PCDHA8: variants seen among roughly 807,000 people sequenced by gnomAD.
PCDHA8 encodes protocadherin alpha-8.
PCDHA8 carries 53 observed loss-of-function variants against 61.8 expected under a neutral mutation model. The ratio of observed to expected loss-of-function variants is 0.86; its 90% confidence interval spans 0.69 to 1.08. PCDHA8 has a LOEUF of 1.08. PCDHA8 is among the 50% of genes least tolerant of loss of function. PCDHA8 has a pLI of 0.00. For missense variants in PCDHA8, 1,293 were observed against 1,245.0 expected, an observed-to-expected ratio of 1.04 and a Z score of -0.58; for synonymous variants, 618 against 556.6, an observed-to-expected ratio of 1.11 and a Z score of -1.55.
At chr5:140,960,446 T>C (rs1563310715) in intron 1 of PCDHA8, among the ~76,000 whole-genome samples, 2 of 152,204 alleles carry the variant, frequency 1.3e-5, no homozygotes, top group African/African-American at 4.8e-5. Context: ...GATATATGTA[T>C]GGATAATTTT....
Position 141,010,168 on chromosome 5 carries a change from C to T in PCDHA8, c.*231C>T. The T allele has an allele frequency of 6.4e-7, 1 of 1,561,094 alleles. No individual in the cohort carries two copies. On this transcript the variant is annotated 3_prime_UTR_variant, in exon 4 of 4. Coordinates refer to ENST00000531613, the MANE Select transcript of PCDHA8 (RefSeq NM_018911.3). Reference sequence around the variant, plus strand: ...TCTCCACTCTGGCTTGTTTTCAGAACCTAAAAAGCAGACCCAAGTTTCCTT... The same window carrying T: ...TCTCCACTCTGGCTTGTTTTCAGAATCTAAAAAGCAGACCCAAGTTTCCTT...
chr5:140,946,886 C>G (rs1304455156), intron 1 of PCDHA8, among the ~76,000 whole-genome samples: 1 of 151,128 alleles, frequency 6.6e-6, no homozygotes, highest in African/African-American at 2.4e-5. Context: ...TACGAAGTTA[C>G]AATTAGATAG....
chr5:140,899,548 T>C (rs1452628026), intron 1 of PCDHA8, among the ~76,000 whole-genome samples: 5 of 152,214 alleles, frequency 3.3e-5, no homozygotes, highest in African/African-American at 1.2e-4. Flanking sequence ...TCATGGTGGA[T>C]AAGCTTTTTG....
At chr5:140,989,296 G>A (rs1587341853) in intron 3 of PCDHA8, among the ~76,000 whole-genome samples, 1 of 152,128 alleles carries the variant, frequency 6.6e-6, no homozygotes, top group South Asian at 2.1e-4. Context: ...TGTCACAAAG[G>A]GCCAAGGAAG....
chr5:140,877,243 G>A lies in PCDHA8; in HGVS notation c.2394+33528G>A, dbSNP rs201483899. ...GCGGTCGGTGGGTGCGGGCCACGTG[G>A]TGGCGAAAGTGCGCGCGGTGGACGC... On this transcript the variant is annotated intron_variant, in intron 1 of 3. Transcript: ENST00000531613. The A allele has an allele frequency of 1.2e-5, 20 of 1,613,724 alleles. No individual in the cohort carries two copies. In the African/African-American group the frequency reaches 2.7e-4, roughly 22 times the overall value.
At chr5:140,933,262 T>G (rs2088985963) in intron 1 of PCDHA8, among the ~76,000 whole-genome samples, 1 of 152,012 alleles carries the variant, frequency 6.6e-6, no homozygotes, top group South Asian at 2.1e-4. Flanking sequence ...AAAAGGTTAT[T>G]ATATATTCAT....
chr5:140,994,637 G>A (rs1355719166), intron 3 of PCDHA8, among the ~76,000 whole-genome samples: 1 of 152,078 alleles, frequency 6.6e-6, no homozygotes, highest in Non-Finnish European at 1.5e-5. Context: ...CCTGGAAGGT[G>A]GAGGTTGCAG....
At chr5:140,916,665 G>A (rs1166692195) in intron 1 of PCDHA8, among the ~76,000 whole-genome samples, 2 of 152,184 alleles carry the variant, frequency 1.3e-5, no homozygotes, top group Non-Finnish European at 2.9e-5. Flanking sequence ...CAAGATGCAA[G>A]ACAAAGTCCT....
chr5:140,843,779 T>A, intron 1 of PCDHA8, 64 bp downstream of exon 1: 1 of 1,431,270 alleles, frequency 7.0e-7, no homozygotes, highest in African/African-American at 1.4e-5. Flanking sequence ...ACTTTAAAAG[T>A]GTTTCAGATT....
chr5:140,958,349 G>T lies in PCDHA8; in HGVS notation c.2395-20600G>T, dbSNP rs142186821. Among the ~76,000 whole-genome samples the T allele has an allele frequency of 7.9e-3, 1,199 of 152,218 alleles. 6 individuals carry two copies. The highest frequency in any genetic ancestry group is 0.012 in the Non-Finnish European group (790 of 67,966). On this transcript the variant is annotated intron_variant, in intron 1 of 3. Coordinates refer to ENST00000531613, the MANE Select transcript of PCDHA8 (RefSeq NM_018911.3). ...ATAAATAAATCACAGGAAGTTCACAGTCTGACTTTATCAGGAATGTTGCTA... is the reference window on the plus strand; with the variant it reads ...ATAAATAAATCACAGGAAGTTCACATTCTGACTTTATCAGGAATGTTGCTA...
chr5:140,928,942 T>C lies in PCDHA8; in HGVS notation c.2395-50007T>C. The stretch of plus-strand genomic sequence containing the variant: ...GCAGCTTTCTGCCCAGAACTTGTAT[T>C]TAGTAATTGCCTTGGCTTGTATTTC... On this transcript the variant is annotated intron_variant, in intron 1 of 3. Transcript: ENST00000531613. 4 of 1,614,060 alleles carry C rather than the reference T, an allele frequency of 2.5e-6. No individual in the cohort carries two copies. The South Asian group carries it at 4.4e-5, about 18-fold the overall frequency.
chr5:140,913,960 T>A (rs114058923), intron 1 of PCDHA8, among the ~76,000 whole-genome samples: 2,762 of 152,276 alleles, frequency 0.018, 70 homozygotes, highest in African/African-American at 0.054. Context: ...ATATCATTTT[T>A]AAAAAAATAT....
chr5:140,863,361 C>T (rs1562578610), intron 1 of PCDHA8: 1 of 1,203,518 alleles, frequency 8.3e-7, no homozygotes. Flanking sequence ...CGCTGCGGTG[C>T]TTGGCGCAGC....
At chr5:140,869,211 G>T (rs375218342) in intron 1 of PCDHA8, 2 of 1,613,956 alleles carry the variant, frequency 1.2e-6, no homozygotes, top group Non-Finnish European at 1.7e-6. Context: ...ACTCCGTCTC[G>T]GAGGAGGCCA....
At chr5:140,974,712 G>C (rs999445044) in intron 1 of PCDHA8, among the ~76,000 whole-genome samples, 1 of 152,076 alleles carries the variant, frequency 6.6e-6, no homozygotes, top group African/African-American at 2.4e-5. Flanking sequence ...TGTTGTTCAA[G>C]CTGCTCTCGA....
chr5:140,900,912 A>AGAT (rs553485999), intron 1 of PCDHA8, among the ~76,000 whole-genome samples: 1 of 152,198 alleles, frequency 6.6e-6, no homozygotes, highest in Non-Finnish European at 1.5e-5. Context: ...AACTGTGGTA[A>AGAT]GATGATATCT....
At chr5:140,846,481 T>A (rs1181531139) in intron 1 of PCDHA8, among the ~76,000 whole-genome samples, 1 of 146,696 alleles carries the variant, frequency 6.8e-6, no homozygotes, top group Non-Finnish European at 1.5e-5. Context: ...TTCAAATGAT[T>A]CTCCTTCCTC....
At chr5:140,937,446 G>A (rs1330877546) in intron 1 of PCDHA8, among the ~76,000 whole-genome samples, 1 of 152,088 alleles carries the variant, frequency 6.6e-6, no homozygotes, top group Non-Finnish European at 1.5e-5. Context: ...TATTTTAAAA[G>A]TTTAATTTTA....
intron 1 of PCDHA8, chr5:140,966,972 T>A (rs1554229007): frequency 6.2e-7 from 1 of 1,602,946 alleles, no homozygotes; most frequent in Non-Finnish European, 8.5e-7. Flanking sequence ...GGGCTTGAGC[T>A]GCGGCGCTTG....
Sources: gnomAD v4.1 joint callset for allele counts (sites outside exome capture counted in the v4.1 genomes callset) on GRCh38, gnomAD v4.1.1 for gene constraint, MANE v1.5 for transcripts, NCBI Gene and HGNC (gene_info 2026-07-23, HGNC 2026-07-21) for gene names.